Variants in SLITRK5 observed in about 807,000 individuals in gnomAD.
SLITRK5 encodes the protein SLIT and NTRK-like protein 5.
A neutral mutation model predicts 56.2 loss-of-function variants in SLITRK5; 23 were observed. The observed-to-expected ratio is 0.41, with a 90% CI of 0.29 to 0.58. SLITRK5 has a LOEUF of 0.58. Ranked by LOEUF, SLITRK5 falls within the 20% of genes least tolerant of loss-of-function variation. The probability of loss-of-function intolerance (pLI) is 0.30; values close to 1 mark genes in which losing one functional copy is unlikely to be tolerated. For synonymous variants in SLITRK5, 637 were observed against 531.8 expected, an observed-to-expected ratio of 1.20 and a Z score of -2.72; for missense variants, 1,289 against 1,226.6, an observed-to-expected ratio of 1.05 and a Z score of -0.76.
chr13:87,675,398 T>G lies in SLITRK5; in HGVS notation c.10T>G (p.Cys4Gly), dbSNP rs1877226603. Residue 4 changes from cysteine to glycine, a missense_variant, in exon 2 of 2, where the codon TGC becomes GGC. This residue lies in a region of SLITRK5 where 291 missense variants were observed against 286.7 expected (regional missense o/e 1.02). Transcript: ENST00000683689. ...CCTTACAGGAGGTAAAATGCACACT[T>G]GCTGCCCCCCAGTAACTTTGGAACA... MHTCCPPVTLEQDL... is the reference protein window; with the variant it reads MHTGCPPVTLEQDL... 2 of 1,613,582 alleles carry G rather than the reference T, an allele frequency of 1.2e-6. No individual in the cohort carries two copies. Among genetic ancestry groups the G allele is most frequent in the South Asian group, 1.1e-5 (1 of 91,080 alleles).
rs1364922588 is a variant in SLITRK5, at chr13:87,671,644, A to C, written c.-574A>C. Among the ~76,000 whole-genome samples the C allele has an allele frequency of 6.6e-6, 1 of 151,904 alleles. No homozygotes were observed. ...CTGCCCGCCCCCCCCTTCCCCCAGA[A>C]ACCCCAAAGGATGTCGGTGATAGAG... On this transcript the variant is annotated 5_prime_UTR_variant, in exon 1 of 2. Coordinates refer to ENST00000683689, the MANE Select transcript of SLITRK5 (RefSeq NM_001384609.1).
chr13:87,673,048 G>A (rs1393396074), intron 1 of SLITRK5, among the ~76,000 whole-genome samples: 2 of 151,748 alleles, frequency 1.3e-5, no homozygotes, highest in Non-Finnish European at 2.9e-5. Flanking sequence ...GCTGCTGCTT[G>A]AGCAGCTGTG....
rs1288823632 is a variant in SLITRK5, at chr13:87,671,674, C to A, written c.-544C>A. The stretch of plus-strand genomic sequence containing the variant: ...CAAAGGATGTCGGTGATAGAGAGTT[C>A]CAACTAATGACGATTGTGCGCCGCA... On this transcript the variant is annotated 5_prime_UTR_variant, in exon 1 of 2. Coordinates refer to ENST00000683689, the MANE Select transcript of SLITRK5 (RefSeq NM_001384609.1). Among the ~76,000 whole-genome samples, 1 of 151,518 alleles carries A rather than the reference C, an allele frequency of 6.6e-6. No homozygotes were observed. Among genetic ancestry groups the A allele is most frequent in the Non-Finnish European group, 1.5e-5 (1 of 67,890 alleles).
chr13:87,678,263 T>C lies in SLITRK5; in HGVS notation c.2875T>C (p.Ter959GlnextTer25). ...AAAACAGACCACGTTTAGCCAGTTC[T>C]AAAAGCAAAGAAACTCTCTTGGAGC... ...LEKQTTFSQF* is the reference protein window; with the variant it reads ...LEKQTTFSQFQ The change falls in exon 2 of 2, where the codon TAA (stop) becomes CAA (glutamine). Residue 959 changes from the stop codon to glutamine (Q), a stop_lost. Transcript: ENST00000683689. The C allele has an allele frequency of 2.5e-6, 4 of 1,598,836 alleles. No homozygotes were observed. Among genetic ancestry groups the C allele is most frequent in the South Asian group, 1.1e-5 (1 of 89,736 alleles).
In SLITRK5 at chr13:87,678,532, T is replaced by G; in HGVS notation, c.*267T>G. On this transcript the variant is annotated 3_prime_UTR_variant, in exon 2 of 2. Coordinates refer to ENST00000683689, the MANE Select transcript of SLITRK5 (RefSeq NM_001384609.1). ...GGAGAAGGGCTTTAAGGAGGCCAATTTGCTGCGCGGGTGACCTGTGAAAGG... is the reference window on the plus strand; with the variant it reads ...GGAGAAGGGCTTTAAGGAGGCCAATGTGCTGCGCGGGTGACCTGTGAAAGG... 4.5e-6 allele frequency: 2 copies of G among 442,838 alleles called. No individual in the cohort carries two copies. Among genetic ancestry groups the G allele is most frequent in the Non-Finnish European group, 8.3e-6 (2 of 240,888 alleles). 27.4% of individuals were successfully genotyped at this position (442,838 alleles called of 1,614,324 possible). A position where few individuals can be genotyped will look rare whatever the true frequency, so the allele number is the denominator to read the frequency against.
In SLITRK5 at chr13:87,676,882, T is replaced by G. The variant is rs771120738; in HGVS notation, c.1494T>G (p.Ser498=). The change falls in exon 2 of 2, where the codon TCT becomes TCG. Residue 498 remains serine (S), a synonymous_variant. Coordinates refer to ENST00000683689, the MANE Select transcript of SLITRK5 (RefSeq NM_001384609.1). The part of the protein sequence containing the change: ...LQYNLIREIQ[S]GTFDPVPNLQ... Reference sequence around the variant, plus strand: ...ACAATCTCATCCGCGAGATTCAGTCTGGAACTTTTGACCCGGTCCCAAACC... The same window carrying G: ...ACAATCTCATCCGCGAGATTCAGTCGGGAACTTTTGACCCGGTCCCAAACC... The G allele has an allele frequency of 5.9e-5, 96 of 1,614,020 alleles. No individual in the cohort carries two copies. The highest frequency in any genetic ancestry group is 7.9e-5 in the Non-Finnish European group (93 of 1,180,038).
At position 87,676,738 on chromosome 13, in the gene SLITRK5, C is replaced by A; in HGVS notation, c.1350C>A (p.Asp450Glu). ...ATAACCGCATCTCGATGATCCAGGA[C>A]CGCGCTTTCGGGGATCTCACCAACC... is the stretch of plus-strand genomic sequence containing the variant. ...LGNNRISMIQ[D>E]RAFGDLTNLR... The change falls in exon 2 of 2, where the codon GAC (aspartate) becomes GAA (glutamate). Residue 450 changes from aspartate (D) to glutamate (E), a missense_variant. Coordinates refer to ENST00000683689, the MANE Select transcript of SLITRK5 (RefSeq NM_001384609.1). The A allele has an allele frequency of 6.2e-7, 1 of 1,614,134 alleles. No homozygotes were observed. The highest frequency in any genetic ancestry group is 2.2e-5 in the East Asian group (1 of 44,860).
At position 87,672,070 on chromosome 13, in the gene SLITRK5, G is replaced by C. The variant is rs1877055901; in HGVS notation, c.-148G>C. Among the ~76,000 whole-genome samples the C allele has an allele frequency of 1.3e-5, 2 of 152,146 alleles. No individual in the cohort carries two copies. Among genetic ancestry groups the C allele is most frequent in the Non-Finnish European group, 2.9e-5 (2 of 68,016 alleles). On this transcript the variant is annotated 5_prime_UTR_variant, in exon 1 of 2. Transcript: ENST00000683689. ...ACCAGGGGGGAATGTGGTGAAGACG[G>C]CGAGGAGGAGAGCCGAGGGGGGAGG... is the stretch of plus-strand genomic sequence containing the variant.
In SLITRK5 at chr13:87,672,189, C is replaced by T. The variant is rs536288861; in HGVS notation, c.-29C>T. Among the ~76,000 whole-genome samples the T allele has an allele frequency of 6.6e-6, 1 of 152,178 alleles. No homozygotes were observed. Among genetic ancestry groups the T allele is most frequent in the Non-Finnish European group, 1.5e-5 (1 of 67,988 alleles). ...GCCACAGCTGGGTCGGAGAAAGTTG[C>T]CCCCTATGCAGATGGCAACTGTGAG... On this transcript the variant is annotated 5_prime_UTR_variant, in exon 1 of 2. Transcript: ENST00000683689.
rs1331337483 is a variant in SLITRK5 at position 87,678,097 on chromosome 13, C to T, written c.2709C>T (p.His903=). The part of the protein sequence containing the change: ...YDLRRPHQYL[H]PGAGDSRLRE... Reference sequence around the variant, plus strand: ...TGAGACGCCCCCATCAGTATTTGCACCCGGGGGCAGGGGACAGCAGGCTAC... The same window carrying T: ...TGAGACGCCCCCATCAGTATTTGCATCCGGGGGCAGGGGACAGCAGGCTAC... The change falls in exon 2 of 2, where the codon CAC becomes CAT. Residue 903 remains histidine (H), a synonymous_variant. Coordinates refer to ENST00000683689, the MANE Select transcript of SLITRK5 (RefSeq NM_001384609.1). 8 of 1,614,096 alleles carry T rather than the reference C, an allele frequency of 5.0e-6. No individual in the cohort carries two copies. Among genetic ancestry groups the T allele is most frequent in the Non-Finnish European group, 4.2e-6 (5 of 1,180,046 alleles).
chr13:87,678,040 C>A lies in SLITRK5; in HGVS notation c.2652C>A (p.Pro884=). The A allele has an allele frequency of 6.2e-7, 1 of 1,614,044 alleles. No homozygotes were observed. The highest frequency in any genetic ancestry group is 8.5e-7 in the Non-Finnish European group (1 of 1,179,876). Residue 884 remains proline, a synonymous_variant, in exon 2 of 2, where the codon CCC becomes CCA. Coordinates refer to ENST00000683689, the MANE Select transcript of SLITRK5 (RefSeq NM_001384609.1). Reference sequence around the variant, plus strand: ...AATATCCCAAATTCCCGTGCAGCCCCGCTGCTTACACTTTCTCCCCCAACT... The same window carrying A: ...AATATCCCAAATTCCCGTGCAGCCCAGCTGCTTACACTTTCTCCCCCAACT... The part of the protein sequence containing the change: ...LPEYPKFPCS[P]AAYTFSPNYD...
At chr13:87,673,876 A>ATATTAGAC (rs991568712) in intron 1 of SLITRK5, among the ~76,000 whole-genome samples, 2 of 152,000 alleles carry the variant, frequency 1.3e-5, no homozygotes, top group Non-Finnish European at 2.9e-5. Context: ...TTGCAATTCG[A>ATATTAGAC]TATTAGACTT....
At position 87,676,154 on chromosome 13, in the gene SLITRK5, T is replaced by A; in HGVS notation, c.766T>A (p.Ser256Thr). Residue 256 changes from serine to threonine, a missense_variant, in exon 2 of 2, where the codon TCA (serine) becomes ACA (threonine). Physicochemically the swap from Ser to Thr is moderately conservative, Grantham distance 58 (BLOSUM62 1). Transcript: ENST00000683689. ...LKDWLDSISY[S>T]ALVGDVVCET... ...GGATTGGTTGGACAGCATCTCCTAT[T>A]CAGCCCTGGTGGGGGATGTAGTTTG... 1.2e-6 allele frequency: 2 copies of A among 1,614,094 alleles called. No homozygotes were observed. Among genetic ancestry groups the A allele is most frequent in the Non-Finnish European group, 1.7e-6 (2 of 1,180,008 alleles).
rs748537017 is a variant in SLITRK5 at position 87,677,695 on chromosome 13, G to T, written c.2307G>T (p.Glu769Asp). The stretch of plus-strand genomic sequence containing the variant: ...AAAACCCCATCTACCGCTCCCGAGA[G>T]GGCAACTCCGTAGAGGATTACAAAG... ...MCKNPIYRSR[E>D]GNSVEDYKDL... The change falls in exon 2 of 2, where the codon GAG (glutamate) becomes GAT (aspartate). Residue 769 changes from glutamate (E) to aspartate (D), a missense_variant. Physicochemically the swap from Glu to Asp is conservative, Grantham distance 45. Around this residue, in one of 3 missense-constraint regions of SLITRK5, gnomAD observed 985 missense variants for 906.0 expected, o/e 1.09. Transcript: ENST00000683689. This position sits in a 1 kb window ranked among gnomAD's most constrained non-coding sequence, Gnocchi z 4.7. The T allele has an allele frequency of 6.2e-7, 1 of 1,606,640 alleles. No homozygotes were observed.
At chr13:87,673,937 G>A (rs184353339) in intron 1 of SLITRK5, among the ~76,000 whole-genome samples, 1 of 152,158 alleles carries the variant, frequency 6.6e-6, no homozygotes, top group Non-Finnish European at 1.5e-5. Context: ...TAGGTTCCTA[G>A]AGTCCAGCAT....
chr13:87,672,954 TC>T (rs1877107684), intron 1 of SLITRK5: 1 of 148,332 alleles, frequency 6.7e-6, no homozygotes, highest in African/African-American at 2.6e-5. Flanking sequence ...CTCCCCTTCT[TC>T]CTCCGTTTTC....
chr13:87,673,242 C>G (rs1356169898), intron 1 of SLITRK5, among the ~76,000 whole-genome samples: 2 of 151,440 alleles, frequency 1.3e-5, no homozygotes, highest in African/African-American at 4.9e-5. Flanking sequence ...TCAGCGCACC[C>G]GCGAATTTGC....
chr13:87,673,201 G>GAA (rs35721482), intron 1 of SLITRK5, among the ~76,000 whole-genome samples: 3 of 139,158 alleles, frequency 2.2e-5, no homozygotes, highest in African/African-American at 7.9e-5. Flanking sequence ...CGCCCTCCAG[G>GAA]AAAAAAAAAA....
In SLITRK5 at chr13:87,677,936, G is replaced by A. The variant is rs1228219955; in HGVS notation, c.2548G>A (p.Asp850Asn). The A allele has an allele frequency of 1.9e-6, 3 of 1,613,862 alleles. No homozygotes were observed. Among genetic ancestry groups the A allele is most frequent in the South Asian group, 1.1e-5 (1 of 91,054 alleles). ...PREDLLSPVQ[D>N]ADRFYRGILE... ...GGAGGACCTGCTGTCGCCGGTGCAG[G>A]ACGCCGACCGCTTTTACAGGGGCAT... Residue 850 changes from aspartate (D) to asparagine (N), a missense_variant, in exon 2 of 2, where the codon GAC becomes AAC. This residue lies in a region of SLITRK5 where 985 missense variants were observed against 906.0 expected (regional missense o/e 1.09). Coordinates refer to ENST00000683689, the MANE Select transcript of SLITRK5 (RefSeq NM_001384609.1). This position sits in a 1 kb window ranked among gnomAD's most constrained non-coding sequence, Gnocchi z 4.7.
Sources: allele counts gnomAD v4.1 joint callset (sites outside exome capture counted in the v4.1 genomes callset), GRCh38; gene constraint gnomAD v4.1.1; regional missense constraint gnomAD v4.1.1; non-coding constraint Gnocchi (gnomAD v3.1); transcripts MANE v1.5; gene names NCBI Gene and HGNC (gene_info 2026-07-23, HGNC 2026-07-21).